The following DMD variants were observed in gnomAD, a reference collection of about 807,000 sequenced individuals.
DMD encodes mutant dystrophin.
DMD carries 63 observed loss-of-function variants against 330.1 expected under a neutral mutation model. The ratio of observed to expected loss-of-function variants is 0.19; its 90% CI spans 0.16 to 0.24. The LOEUF (loss-of-function observed/expected upper bound fraction) is 0.24. Among genes scored for constraint, DMD ranks in the 10% least tolerant of loss-of-function variants. The probability of loss-of-function intolerance (pLI) is 1.00; values close to 1 mark genes in which losing one functional copy is unlikely to be tolerated. For missense variants in DMD, 3,344 were observed against 2,684.1 expected (o/e 1.25, Z -5.43); for synonymous variants, 1,223 against 959.8 (o/e 1.27, Z -5.07).
chrX:33,019,577 C>G (rs1045468766), intron 2 of DMD, among the ~76,000 whole-genome samples: 3 of 111,487 alleles, frequency 2.7e-5, no homozygotes, highest in Non-Finnish European at 5.7e-5. Flanking sequence ...CACCTATAAT[C>G]ATCTAGAGTC....
chrX:31,850,600 G>T (rs2149551986), intron 48 of DMD, among the ~76,000 whole-genome samples: 1 of 112,120 alleles, frequency 8.9e-6, no homozygotes, highest in African/African-American at 3.2e-5. Flanking sequence ...CATCATGAGA[G>T]AATAATATGC....
At chrX:32,783,330 CATATATATACACATATATGGT>C (rs2075048140) in intron 7 of DMD, among the ~76,000 whole-genome samples, 2 of 101,190 alleles carry the variant, frequency 2.0e-5, no homozygotes, top group South Asian at 4.2e-4. Flanking sequence ...TATATACACA[CATATATATACACATATATGGT>C]ATATATATAC....
At chrX:32,922,670 C>T (rs935019979) in intron 2 of DMD, among the ~76,000 whole-genome samples, 1 of 112,525 alleles carries the variant, frequency 8.9e-6, no homozygotes, top group African/African-American at 3.2e-5. Context: ...AGGCAGAGCT[C>T]AGGCTTGCCC....
chrX:31,422,035 ATATATATAT>A (rs1569540533), intron 60 of DMD, among the ~76,000 whole-genome samples: 452 of 7,776 alleles, frequency 0.058, 2 homozygotes, highest in Middle Eastern at 0.29. Context: ...ACACATATAT[ATATATATAT>A]TTTTTTTTTT....
At chrX:31,576,012 A>G (rs2147991751) in intron 55 of DMD, among the ~76,000 whole-genome samples, 1 of 112,036 alleles carries the variant, frequency 8.9e-6, no homozygotes, top group African/African-American at 3.2e-5. Context: ...ATATTTAGAT[A>G]TTTTCTAAAA....
At position 32,644,017 on chromosome X, in the gene DMD, C is replaced by G; in HGVS notation, c.1331+115G>C. 9.4e-6 allele frequency: 6 copies of G among 640,164 alleles called. No individual in the cohort carries two copies. The South Asian group carries it at 1.8e-4, about 19-fold the overall frequency. The allele number at this position is 640,164 out of a possible 1,213,427, so 52.8% of individuals were successfully genotyped here. A position where few individuals can be genotyped will look rare whatever the true frequency, so the allele number is the denominator to read the frequency against. On this transcript the variant is annotated intron_variant, in intron 11 of 78. Transcript: ENST00000357033. ...CCAACCAGTCTCCCTTGAAAGAAAG[C>G]TGTGTGCCTTGGGAACAAACTGAGA...
At position 32,727,347 on chromosome X, in the gene DMD, T is replaced by C. The variant is rs1431385854; in HGVS notation, c.650-28054A>G. ...CAAGAACTATATAGAGATGAATTCATTGAGACTTGTATAAAAATGGTTTCA... is the reference window on the plus strand; with the variant it reads ...CAAGAACTATATAGAGATGAATTCACTGAGACTTGTATAAAAATGGTTTCA... On this transcript the variant is annotated intron_variant, in intron 7 of 78. Coordinates refer to ENST00000357033, the MANE Select transcript of DMD (RefSeq NM_004006.3). Among the ~76,000 whole-genome samples the C allele has an allele frequency of 8.1e-5, 9 of 111,160 alleles. No individual in the cohort carries two copies. The East Asian group carries it at 2.3e-3, about 28-fold the overall frequency.
chrX:32,325,637 G>A (rs2097647117), intron 41 of DMD, among the ~76,000 whole-genome samples: 1 of 111,508 alleles, frequency 9.0e-6, no homozygotes, highest in East Asian at 2.8e-4. Context: ...TGACAGAAGA[G>A]TCGTGGCAAA....
chrX:32,600,965 T>C (rs2056141123), intron 12 of DMD, among the ~76,000 whole-genome samples: 1 of 107,481 alleles, frequency 9.3e-6, no homozygotes, highest in African/African-American at 3.3e-5. Context: ...GGACAGGAAT[T>C]GACTTTTTTT....
chrX:33,294,385 G>A (rs1360631833), intron 1 of DMD, among the ~76,000 whole-genome samples: 2 of 110,665 alleles, frequency 1.8e-5, no homozygotes, highest in East Asian at 2.8e-4. Context: ...TTTATATTTC[G>A]CCATAGTTTT....
At position 31,998,562 on chromosome X, in the gene DMD, T is replaced by C. The variant is rs796234496; in HGVS notation, c.6439-30048A>G. On this transcript the variant is annotated intron_variant, in intron 44 of 78. Coordinates refer to ENST00000357033, the MANE Select transcript of DMD (RefSeq NM_004006.3). ...GTACATAATAGTTAGAAAGGCTGAT[T>C]TGTAAACAAAAATAAAAACAACACT... 8.0e-5 allele frequency among the ~76,000 whole-genome samples: 9 copies of C among 111,819 alleles called. No individual in the cohort carries two copies. In the East Asian group the frequency reaches 1.7e-3, roughly 21 times the overall value.
intron 55 of DMD, among the ~76,000 whole-genome samples, chrX:31,549,910 A>G (rs748944108): frequency 9.0e-6 from 1 of 111,014 alleles, no homozygotes; most frequent in East Asian, 2.8e-4. Context: ...AGTATTTTCA[A>G]CTAAAAGTTA....
intron 52 of DMD, among the ~76,000 whole-genome samples, chrX:31,682,863 A>G (rs1365383815): frequency 1.8e-5 from 2 of 112,337 alleles, no homozygotes; most frequent in Non-Finnish European, 3.8e-5. Flanking sequence ...TAGGGAAAAC[A>G]GTCTATATTT....
intron 50 of DMD, among the ~76,000 whole-genome samples, chrX:31,803,979 G>T (rs760700338): frequency 9.0e-6 from 1 of 110,900 alleles, no homozygotes; most frequent in Non-Finnish European, 1.9e-5. Context: ...GATTACAGGC[G>T]TGAGCCACCG....
At chrX:32,588,695 T>G (rs1285873099) in intron 13 of DMD, among the ~76,000 whole-genome samples, 1 of 111,134 alleles carries the variant, frequency 9.0e-6, no homozygotes, top group African/African-American at 3.3e-5. Context: ...GGCAAGGACT[T>G]TGGGGGCTTA....
At chrX:32,907,661 A>G (rs958043675) in intron 2 of DMD, among the ~76,000 whole-genome samples, 1 of 112,044 alleles carries the variant, frequency 8.9e-6, no homozygotes, top group African/African-American at 3.2e-5. Context: ...GAATTGGGTA[A>G]CGAGATCACT....
chrX:31,714,418 TA>T (rs1405717262), intron 52 of DMD, among the ~76,000 whole-genome samples: 1 of 112,273 alleles, frequency 8.9e-6, no homozygotes, highest in African/African-American at 3.2e-5. Context: ...TTTAGCATAC[TA>T]AAATAGAATA....
intron 67 of DMD, among the ~76,000 whole-genome samples, chrX:31,191,191 A>G (rs867093911): frequency 1.9e-5 from 2 of 107,163 alleles, no homozygotes; most frequent in Non-Finnish European, 3.9e-5. Context: ...TACAATGTGT[A>G]TGTGTGTGTG....
intron 55 of DMD, among the ~76,000 whole-genome samples, chrX:31,626,138 C>A (rs774174163): frequency 9.1e-6 from 1 of 110,216 alleles, no homozygotes; most frequent in South Asian, 4.0e-4. Context: ...GCGCAGGTCA[C>A]CATACCCAGC....
Sources: gnomAD v4.1 joint callset for allele counts (sites outside exome capture counted in the v4.1 genomes callset) on GRCh38, gnomAD v4.1.1 for gene constraint, MANE v1.5 for transcripts, NCBI Gene and HGNC (gene_info 2026-07-23, HGNC 2026-07-21) for gene names.